Variants in ASMTL observed in about 807,000 individuals in gnomAD.
The protein encoded by ASMTL is acetylserotonin O-methyltransferase like, also known as probable bifunctional dTTP/UTP pyrophosphatase/methyltransferase protein.
In ASMTL, 57 loss-of-function variants were observed where a neutral mutation model predicts 60.3. That is an observed-to-expected ratio of 0.95 (90% CI 0.76 to 1.18). The LOEUF (loss-of-function observed/expected upper bound fraction) is 1.18, where lower values mean the gene tolerates loss of function less well. Among genes scored for constraint, ASMTL ranks in the 50% most tolerant of loss-of-function variants. The pLI, the probability that ASMTL is intolerant of heterozygous loss-of-function variation, is 0.00. For missense variants in ASMTL, 981 were observed against 852.6 expected, an observed-to-expected ratio of 1.15 and a Z score of -1.88; for synonymous variants, 419 against 373.0, an observed-to-expected ratio of 1.12 and a Z score of -1.42.
chrX:1,446,561 GC>G (rs1421783507), intron 1 of ASMTL, among the ~76,000 whole-genome samples: 3 of 147,506 alleles, frequency 2.0e-5, no homozygotes, highest in African/African-American at 5.0e-5. Flanking sequence ...GTGCAGTGGT[GC>G]CATCTCGGTT....
intron 1 of ASMTL, 88 bp downstream of exon 1, chrX:1,452,660 C>A: frequency 9.0e-7 from 1 of 1,116,662 alleles, no homozygotes; most frequent in Non-Finnish European, 1.3e-6. Flanking sequence ...TCTCCCATCC[C>A]TATCCCTAGA....
intron 2 of ASMTL, 187 bp downstream of exon 2, chrX:1,441,999 G>T: frequency 1.5e-6 from 1 of 656,816 alleles, no homozygotes; most frequent in Non-Finnish European, 2.7e-6. Flanking sequence ...CATTAATTCT[G>T]TATCATTAAT....
intron 11 of ASMTL, chrX:1,413,986 A>C (rs1188943124): frequency 6.6e-6 from 1 of 152,090 alleles, no homozygotes; most frequent in African/African-American, 2.4e-5. Flanking sequence ...GAACCTGGGA[A>C]TGGGACCTCA....
intron 12 of ASMTL, 38 bp from the exon 13 acceptor site, chrX:1,403,527 C>G (rs777150971): frequency 6.3e-7 from 1 of 1,589,730 alleles, no homozygotes; most frequent in East Asian, 2.2e-5. Flanking sequence ...CCTGGCCAGC[C>G]AGGCGGGGAT....
intron 1 of ASMTL, among the ~76,000 whole-genome samples, chrX:1,449,066 A>ACTTTG: frequency 6.6e-6 from 1 of 152,078 alleles, no homozygotes; most frequent in East Asian, 1.9e-4. Context: ...ACATTCTAAC[A>ACTTTG]CCTCAGTCAA....
intron 9 of ASMTL, 131 bp from the exon 10 acceptor site, chrX:1,419,245 G>T: frequency 1.9e-6 from 2 of 1,057,940 alleles, no homozygotes; most frequent in South Asian, 3.1e-5. Context: ...GGGCTGCAGA[G>T]CGGGCTTCAT....
intron 1 of ASMTL, among the ~76,000 whole-genome samples, chrX:1,443,661 A>G (rs868536701): frequency 0.04 from 5,756 of 144,580 alleles, 605 homozygotes; most frequent in African/African-American, 0.15. Context: ...ATGGACACAC[A>G]CCGCCATCAT....
At chrX:1,411,590 G>C (rs6645283) in intron 12 of ASMTL, among the ~76,000 whole-genome samples, 2 of 135,346 alleles carry the variant, frequency 1.5e-5, no homozygotes, top group Non-Finnish European at 3.5e-5. Context: ...GTGTGTGCAC[G>C]TGTGTCTGCG....
chrX:1,427,009 G>GAGAAAA (rs2090632053), intron 7 of ASMTL, among the ~76,000 whole-genome samples: 1 of 148,784 alleles, frequency 6.7e-6, no homozygotes, highest in African/African-American at 2.5e-5. Flanking sequence ...ACAAAAAAAA[G>GAGAAAA]AGAAAAAGAA....
At position 1,416,497 on chromosome X, in the gene ASMTL, GCA is replaced by G. The variant is rs368635213; in HGVS notation, c.1522+1474_1522+1475del. 8.2e-3 allele frequency among the ~76,000 whole-genome samples: 910 copies of G among 110,648 alleles called. 11 individuals carry two copies. Among genetic ancestry groups the G allele is most frequent in the African/African-American group, 0.022 (772 of 35,578 alleles). 72.6% of individuals were successfully genotyped at this position (110,648 alleles called of 152,430 possible). A position where few individuals can be genotyped will look rare whatever the true frequency, so the allele number is the denominator to read the frequency against. On this transcript the variant is annotated intron_variant, in intron 11 of 12. Transcript: ENST00000381317. ...CATGGACATACAGATACAGCGACAG[GCA>G]CACACACACGGATGCAGACATGCAC...
chrX:1,434,788 C>A (rs1186917519), intron 5 of ASMTL, among the ~76,000 whole-genome samples: 1 of 125,338 alleles, frequency 8.0e-6, no homozygotes, highest in East Asian at 2.2e-4. Flanking sequence ...GAGCGAGACT[C>A]CATCTCAAAA....
intron 5 of ASMTL, among the ~76,000 whole-genome samples, chrX:1,433,371 G>C (rs2090862183): frequency 1.3e-5 from 2 of 151,278 alleles, no homozygotes; most frequent in Non-Finnish European, 2.9e-5. Context: ...GGCCTTTTAA[G>C]AGACCCAGAA....
Position 1,421,761 on chromosome X carries a change from T to C in ASMTL, c.1142A>G (p.Asn381Ser). 6.2e-7 allele frequency: 1 copy of C among 1,613,898 alleles called. No homozygotes were observed. Among genetic ancestry groups the C allele is most frequent in the Non-Finnish European group, 8.5e-7 (1 of 1,179,854 alleles). The change falls in exon 9 of 13, where the codon AAT (asparagine) becomes AGT (serine). Residue 381 changes from asparagine (N) to serine (S), a missense_variant. Physicochemically the swap from Asn to Ser is conservative, Grantham distance 46. Coordinates refer to ENST00000381317, the MANE Select transcript of ASMTL (RefSeq NM_004192.4). ...YSLHGFIMHNNDLTWNLFTYL... is the reference protein window; with the variant it reads ...YSLHGFIMHNSDLTWNLFTYL... Reference sequence around the variant, plus strand: ...TGTAAAGAGGTTCCATGTGAGGTCATTATTGTGCATGATGAAGCCGTGCAG... The same window carrying C: ...TGTAAAGAGGTTCCATGTGAGGTCACTATTGTGCATGATGAAGCCGTGCAG...
intron 4 of ASMTL, 135 bp downstream of exon 4, chrX:1,435,559 G>C: frequency 1.2e-6 from 1 of 826,344 alleles, no homozygotes; most frequent in Non-Finnish European, 2.1e-6. Flanking sequence ...AGCTCAGACA[G>C]CACAGCTCAG....
chrX:1,421,062 T>C (rs1207896743), intron 9 of ASMTL, among the ~76,000 whole-genome samples: 1 of 151,402 alleles, frequency 6.6e-6, no homozygotes, highest in Non-Finnish European at 1.5e-5. Flanking sequence ...CGGGTTCAAG[T>C]GATTCTCCTG....
At chrX:1,425,416 A>G in intron 8 of ASMTL, 109 bp downstream of exon 8, 3 of 1,253,970 alleles carry the variant, frequency 2.4e-6, no homozygotes, top group Non-Finnish European at 3.3e-6. Flanking sequence ...GGGCAGAGGG[A>G]CAGAAGGTGT....
At chrX:1,408,125 CAGG>C (rs2089936354) in intron 12 of ASMTL, among the ~76,000 whole-genome samples, 2 of 121,672 alleles carry the variant, frequency 1.6e-5, no homozygotes, top group Admixed American at 9.4e-5. Context: ...CGCTTGAGCG[CAGG>C]AGGTCAAGGC....
chrX:1,412,911 C>T (rs1232141872), intron 11 of ASMTL, 57 bp from the exon 12 acceptor site: 32 of 1,600,336 alleles, frequency 2.0e-5, no homozygotes, highest in Middle Eastern at 1.7e-4. Flanking sequence ...CAGTCCTCCC[C>T]GGACAGATCC....
At chrX:1,431,840 A>C (rs185841415) in intron 6 of ASMTL, 13 of 182,794 alleles carry the variant, frequency 7.1e-5, no homozygotes, top group African/African-American at 2.4e-4. Flanking sequence ...TGATTGGTGC[A>C]CGCATACTTC....
Sources: allele counts gnomAD v4.1 joint callset (sites outside exome capture counted in the v4.1 genomes callset), GRCh38; gene constraint gnomAD v4.1.1; transcripts MANE v1.5; gene names NCBI Gene and HGNC (gene_info 2026-07-23, HGNC 2026-07-21).